The following KIF21A variants were observed in gnomAD, a reference collection of about 807,000 sequenced individuals.
KIF21A encodes kinesin-like protein KIF21A.
Under a neutral mutation model 202.9 loss-of-function variants are expected in KIF21A, and 114 were observed. The ratio of observed to expected loss-of-function variants is 0.56; its 90% CI spans 0.48 to 0.66. KIF21A has a LOEUF of 0.66. KIF21A is among the 30% of genes least tolerant of loss of function. The probability of loss-of-function intolerance (pLI) is 0.00; values close to 1 mark genes in which losing one functional copy is unlikely to be tolerated. For synonymous variants in KIF21A, 667 were observed against 670.8 expected, an observed-to-expected ratio of 0.99 and a Z score of 0.09; for missense variants, 1,677 against 1,994.9, an observed-to-expected ratio of 0.84 and a Z score of 3.04.
rs1354487093 is a variant in KIF21A, at chr12:39,443,071, G to C, written c.-101C>G. ...GGGCGCAGTAGGCTGGGGCGTCTGC[G>C]GGCGGGCGGCCGGCTCACCTCCGCC... On this transcript the variant is annotated 5_prime_UTR_variant, in exon 1 of 38. Coordinates refer to ENST00000361418, the MANE Select transcript of KIF21A (RefSeq NM_001173464.2). 2.4e-6 allele frequency: 3 copies of C among 1,249,648 alleles called. No homozygotes were observed. The highest frequency in any genetic ancestry group is 3.1e-6 in the Non-Finnish European group (3 of 956,974). The allele number at this position is 1,249,648 out of a possible 1,614,324, so 77.4% of individuals were successfully genotyped here.
intron 29 of KIF21A, among the ~76,000 whole-genome samples, chr12:39,317,054 A>T (rs1427296362): frequency 6.6e-6 from 1 of 152,194 alleles, no homozygotes; most frequent in Non-Finnish European, 1.5e-5. Flanking sequence ...AAATAATTTG[A>T]CAATGTTAAA....
chr12:39,404,072 T>C (rs993166054), intron 1 of KIF21A, among the ~76,000 whole-genome samples: 2 of 152,208 alleles, frequency 1.3e-5, no homozygotes, highest in Admixed American at 1.3e-4. Flanking sequence ...AGATTCTTTT[T>C]TATTTTTATT....
At chr12:39,330,712 CA>C (rs767613649) in intron 23 of KIF21A, 33 bp downstream of exon 23, 1 of 1,606,390 alleles carries the variant, frequency 6.2e-7, no homozygotes, top group East Asian at 2.2e-5. Flanking sequence ...AGCTACCATG[CA>C]AATTCATTCA....
intron 1 of KIF21A, among the ~76,000 whole-genome samples, chr12:39,435,862 C>T (rs142612584): frequency 1.8e-3 from 280 of 152,198 alleles, no homozygotes; most frequent in African/African-American, 5.8e-3. Context: ...AGACTACATA[C>T]GAATTTTATT....
Position 39,355,707 on chromosome 12 carries a change from T to TTTTATATATATATA in KIF21A, c.1469+1124_1469+1125insTATATATATATAAA, listed in dbSNP as rs1351512351. On this transcript the variant is annotated intron_variant, in intron 10 of 37. Transcript: ENST00000361418. Reference sequence around the variant, plus strand: ...TACCAAAAACATGAAGCATGAACAATTATATATATATATATATATATATAT... The same window carrying TTTTATATATATATA: ...TACCAAAAACATGAAGCATGAACAATTTTATATATATATATATATATATATATATATATATATAT... 8.9e-5 allele frequency among the ~76,000 whole-genome samples: 9 copies of TTTTATATATATATA among 101,240 alleles called. 1 individual carries two copies. Among genetic ancestry groups the TTTTATATATATATA allele is most frequent in the African/African-American group, 3.9e-4 (8 of 20,600 alleles). 66.4% of individuals were successfully genotyped at this position (101,240 alleles called of 152,430 possible).
intron 1 of KIF21A, among the ~76,000 whole-genome samples, chr12:39,416,752 CA>C (rs1953732791): frequency 9.6e-6 from 1 of 104,508 alleles, no homozygotes; most frequent in Non-Finnish European, 1.9e-5. Flanking sequence ...TATATATGTA[CA>C]TATATATGTG....
chr12:39,340,176 T>C lies in KIF21A; in HGVS notation c.2299A>G (p.Lys767Glu). The part of the protein sequence containing the change: ...KKLQQDVMEM[K>E]KTKVRLMKQM... ...AAAATAATCAATACCTTTGTTTTTT[T>C]CATTTCCATCACATCCTGCTGCAAT... Residue 767 changes from lysine (K) to glutamate (E), a missense_variant, in exon 16 of 38, where the codon AAA becomes GAA. Coordinates refer to ENST00000361418, the MANE Select transcript of KIF21A (RefSeq NM_001173464.2). The C allele has an allele frequency of 6.2e-7, 1 of 1,612,512 alleles. No individual in the cohort carries two copies. The highest frequency in any genetic ancestry group is 8.5e-7 in the Non-Finnish European group (1 of 1,179,100).
intron 1 of KIF21A, among the ~76,000 whole-genome samples, chr12:39,397,516 A>C (rs1382871733): frequency 6.6e-6 from 1 of 152,058 alleles, no homozygotes; most frequent in Non-Finnish European, 1.5e-5. Context: ...TTATGTAATT[A>C]ACTTATTTAA....
intron 1 of KIF21A, among the ~76,000 whole-genome samples, chr12:39,381,096 G>A (rs763642267): frequency 2.6e-5 from 4 of 151,942 alleles, no homozygotes; most frequent in Non-Finnish European, 5.9e-5. Context: ...ACGAGGTCAG[G>A]AGATCGCAAC....
intron 1 of KIF21A, among the ~76,000 whole-genome samples, chr12:39,438,661 G>A (rs1222179223): frequency 5.9e-5 from 9 of 152,120 alleles, no homozygotes; most frequent in African/African-American, 1.7e-4. Context: ...ACAGTTCTCT[G>A]ATAAAGCCAG....
intron 1 of KIF21A, among the ~76,000 whole-genome samples, chr12:39,417,970 G>A (rs931329622): frequency 3.3e-5 from 5 of 152,076 alleles, no homozygotes; most frequent in Non-Finnish European, 5.9e-5. Context: ...CACTTTGGGA[G>A]GCTAAGGCAG....
intron 1 of KIF21A, among the ~76,000 whole-genome samples, chr12:39,423,033 T>G (rs924554672): frequency 4.6e-5 from 7 of 152,242 alleles, no homozygotes; most frequent in Non-Finnish European, 1.0e-4. Context: ...AGGATTATTG[T>G]GAGGATCACA....
At chr12:39,395,106 C>T (rs1021112238) in intron 1 of KIF21A, among the ~76,000 whole-genome samples, 1 of 152,184 alleles carries the variant, frequency 6.6e-6, no homozygotes, top group Non-Finnish European at 1.5e-5. Context: ...TCATTGTTCT[C>T]ACTACCTCCG....
chr12:39,358,434 C>T lies in KIF21A; in HGVS notation c.1020-61G>A, dbSNP rs910482766. ...AAAGCACCTAAAATGCTAAAATAAT[C>T]ATTTTTAAATTCCTAACATTTGAAT... On this transcript the variant is annotated intron_variant, in intron 7 of 37. Transcript: ENST00000361418. 9.7e-6 allele frequency: 14 copies of T among 1,437,696 alleles called. No homozygotes were observed. In the African/African-American group the frequency reaches 1.7e-4, roughly 17 times the overall value. The allele number at this position is 1,437,696 out of a possible 1,614,324, so 89.1% of individuals were successfully genotyped here.
intron 35 of KIF21A, 130 bp from the exon 36 acceptor site, chr12:39,303,265 G>A: frequency 2.7e-6 from 2 of 745,248 alleles, no homozygotes; most frequent in Non-Finnish European, 4.4e-6. Context: ...ATTGTTTCTG[G>A]TTTGTTAAAT....
chr12:39,367,974 C>T lies in KIF21A; in HGVS notation c.509G>A (p.Ser170Asn). The change falls in exon 4 of 38, where the codon AGT (serine) becomes AAT (asparagine). Residue 170 changes from serine (S) to asparagine (N), a missense_variant. By Grantham distance (46) the Ser-to-Asn change is conservative. Around this residue, in one of 3 missense-constraint regions of KIF21A, gnomAD observed 966 missense variants for 1,180.9 expected, o/e 0.82. Coordinates refer to ENST00000361418, the MANE Select transcript of KIF21A (RefSeq NM_001173464.2). ...FDTTRDIDAK[S>N]KKSNIRIHED... ...ATGAATTCTTATATTTGATTTTTTACTTTTTGCATCAATATCACGAGTGGT... is the reference window on the plus strand; with the variant it reads ...ATGAATTCTTATATTTGATTTTTTATTTTTTGCATCAATATCACGAGTGGT... 1 of 1,605,074 alleles carries T rather than the reference C, an allele frequency of 6.2e-7. No homozygotes were observed. The highest frequency in any genetic ancestry group is 1.1e-5 in the South Asian group (1 of 90,864).
At chr12:39,353,478 A>T (rs148463564) in intron 10 of KIF21A, among the ~76,000 whole-genome samples, 1 of 152,248 alleles carries the variant, frequency 6.6e-6, no homozygotes, top group East Asian at 1.9e-4. Flanking sequence ...TCATATAAAA[A>T]CTCAAAGTTA....
rs574540312 is a variant in KIF21A at position 39,394,920 on chromosome 12, G to A, written c.45-24659C>T. On this transcript the variant is annotated intron_variant, in intron 1 of 37. Transcript: ENST00000361418. ...TCTGCTCTTCCCACACCAATCCCTA[G>A]CTCCGTTAACGAGAAATGCTAGTCT... Among the ~76,000 whole-genome samples, 5 of 152,178 alleles carry A rather than the reference G, an allele frequency of 3.3e-5. No homozygotes were observed. The East Asian group carries it at 9.7e-4, about 29-fold the overall frequency.
intron 25 of KIF21A, 77 bp downstream of exon 25, chr12:39,326,187 G>T: frequency 9.1e-7 from 1 of 1,095,190 alleles, no homozygotes; most frequent in Non-Finnish European, 1.4e-6. Flanking sequence ...CTGTTTTATG[G>T]TAATTGTTTG....
Sources: gnomAD v4.1 joint callset for allele counts (sites outside exome capture counted in the v4.1 genomes callset) on GRCh38, gnomAD v4.1.1 for gene constraint, gnomAD v4.1.1 regional missense constraint, MANE v1.5 for transcripts, NCBI Gene and HGNC (gene_info 2026-07-23, HGNC 2026-07-21) for gene names.